The following RGS6 variants were observed in gnomAD, a reference collection of about 807,000 sequenced individuals.
RGS6 encodes the protein regulator of G protein signaling 6.
Under a neutral mutation model 78.5 loss-of-function variants are expected in RGS6, and 30 were observed. That is an observed-to-expected ratio of 0.38 (90% CI 0.29 to 0.52). The LOEUF (loss-of-function observed/expected upper bound fraction) is 0.52. RGS6 is among the 20% of genes least tolerant of loss of function. RGS6 has a pLI of 0.85. For synonymous variants in RGS6, 206 were observed against 206.0 expected, an observed-to-expected ratio of 1.00 and a Z score of 0.00; for missense variants, 495 against 609.7, an observed-to-expected ratio of 0.81 and a Z score of 1.98.
intron 3 of RGS6, among the ~76,000 whole-genome samples, chr14:72,368,810 T>C (rs944175304): frequency 6.6e-6 from 1 of 152,224 alleles, no homozygotes; most frequent in Non-Finnish European, 1.5e-5. Flanking sequence ...TGGATGCATG[T>C]AGAGGGCTGA....
At chr14:72,557,877 G>A (rs2097605040) in intron 17 of RGS6, among the ~76,000 whole-genome samples, 2 of 152,194 alleles carry the variant, frequency 1.3e-5, no homozygotes, top group African/African-American at 4.8e-5. Context: ...CTGTACTGGA[G>A]GGGGAAGCAT....
intron 17 of RGS6, among the ~76,000 whole-genome samples, chr14:72,548,342 T>TGTGTGTGTGTGCGTGC (rs796698263): frequency 1.5e-5 from 2 of 134,830 alleles, no homozygotes; most frequent in East Asian, 2.5e-4. Context: ...TGTGTGTGTG[T>TGTGTGTGTGTGCGTGC]GCGCGCGTGT....
chr14:72,195,098 C>T lies in RGS6; in HGVS notation c.85-156997C>T, dbSNP rs148794939. ...TGACACACACCTGTAATCACAGTTACTCAGGAGGCTAAGGCAGGAAAATCG... is the reference window on the plus strand; with the variant it reads ...TGACACACACCTGTAATCACAGTTATTCAGGAGGCTAAGGCAGGAAAATCG... On this transcript the variant is annotated intron_variant, in intron 2 of 17. Coordinates refer to ENST00000553525, the MANE Select transcript of RGS6 (RefSeq NM_001204424.2). Among the ~76,000 whole-genome samples the T allele has an allele frequency of 7.1e-3, 1,074 of 152,132 alleles. 8 individuals are homozygous for T. The highest frequency in any genetic ancestry group is 0.012 in the Non-Finnish European group (802 of 67,994).
chr14:71,988,180 A>G (rs2094803221), intron 2 of RGS6, among the ~76,000 whole-genome samples: 1 of 152,130 alleles, frequency 6.6e-6, no homozygotes, highest in Admixed American at 6.5e-5. Flanking sequence ...TCAAGGAAAC[A>G]GATGATAAAG....
chr14:72,327,772 G>A (rs1328435920), intron 2 of RGS6, among the ~76,000 whole-genome samples: 3 of 152,188 alleles, frequency 2.0e-5, no homozygotes, highest in Non-Finnish European at 2.9e-5. Context: ...CACTGGAGAT[G>A]TTTTATGACT....
intron 17 of RGS6, among the ~76,000 whole-genome samples, chr14:72,556,968 C>T (rs2097586798): frequency 6.6e-6 from 1 of 152,070 alleles, no homozygotes; most frequent in African/African-American, 2.4e-5. Flanking sequence ...CCCTTAAGCC[C>T]CTGCGAGAGT....
chr14:72,354,465 A>C (rs1330089283), intron 3 of RGS6, among the ~76,000 whole-genome samples: 3 of 117,900 alleles, frequency 2.5e-5, no homozygotes, highest in Non-Finnish European at 5.1e-5. Flanking sequence ...GTCTCTACTA[A>C]AAATACAAAA....
intron 2 of RGS6, among the ~76,000 whole-genome samples, chr14:72,091,138 C>CTCT (rs1401340631): frequency 1.3e-5 from 2 of 150,634 alleles, no homozygotes; most frequent in Admixed American, 1.3e-4. Flanking sequence ...CACTGGCTGT[C>CTCT]TCCACAGATC....
chr14:72,440,605 G>T (rs905077640), intron 3 of RGS6, among the ~76,000 whole-genome samples: 1 of 151,904 alleles, frequency 6.6e-6, no homozygotes, highest in Non-Finnish European at 1.5e-5. Flanking sequence ...TATAGACGGG[G>T]TTTCACCATG....
In RGS6 at chr14:72,005,467, A is replaced by AATCTATCTATCTATCTATCTATCTG. The variant is rs147417863; in HGVS notation, c.84+40592_84+40593insATCTATCTATCTATCTATCTATCTG. ...TATCTATCTATCTATCTATCTATCT[A>AATCTATCTATCTATCTATCTATCTG]TATCTCCCTATTCATTCAGCAACCT... On this transcript the variant is annotated intron_variant, in intron 2 of 17. Coordinates refer to ENST00000553525, the MANE Select transcript of RGS6 (RefSeq NM_001204424.2). Among the ~76,000 whole-genome samples the AATCTATCTATCTATCTATCTATCTG allele has an allele frequency of 1.2e-4, 18 of 151,292 alleles. No homozygotes were observed. The East Asian group carries it at 2.3e-3, about 20-fold the overall frequency.
At chr14:72,551,568 G>A (rs1032289652) in intron 17 of RGS6, among the ~76,000 whole-genome samples, 2 of 152,192 alleles carry the variant, frequency 1.3e-5, no homozygotes, top group African/African-American at 4.8e-5. Context: ...GACCCCTTGA[G>A]AACAACGGTC....
chr14:71,874,549 A>C, the RGS6 span, among the ~76,000 whole-genome samples: 11,517 of 152,208 alleles, frequency 0.076, 907 homozygotes, highest in East Asian at 0.21. Context: ...TGGGCTGAGA[A>C]AATGGGATTT....
At chr14:72,488,251 G>T (rs929904432) in intron 12 of RGS6, among the ~76,000 whole-genome samples, 1 of 152,198 alleles carries the variant, frequency 6.6e-6, no homozygotes, top group Admixed American at 6.5e-5. Context: ...AGGACTTTCT[G>T]TGTTCCTTCT....
chr14:72,479,143 G>T (rs2096310610), intron 12 of RGS6, among the ~76,000 whole-genome samples: 1 of 152,114 alleles, frequency 6.6e-6, no homozygotes, highest in African/African-American at 2.4e-5. Context: ...TCCTACAGGG[G>T]GCTGGCTGTG....
chr14:72,105,014 A>G (rs1249868604), intron 2 of RGS6, among the ~76,000 whole-genome samples: 2 of 152,244 alleles, frequency 1.3e-5, no homozygotes, highest in African/African-American at 4.8e-5. Flanking sequence ...CTTGGTCTCT[A>G]GTCTAGTCAC....
At chr14:72,026,685 C>G (rs569911979) in intron 2 of RGS6, among the ~76,000 whole-genome samples, 1 of 152,326 alleles carries the variant, frequency 6.6e-6, no homozygotes, top group South Asian at 2.1e-4. Context: ...TCAAAGCCCT[C>G]TAAGCCATCA....
chr14:72,057,377 A>G (rs976191070), intron 2 of RGS6, among the ~76,000 whole-genome samples: 2 of 149,272 alleles, frequency 1.3e-5, no homozygotes, highest in Admixed American at 6.8e-5. Context: ...ATGTCTACCT[A>G]TTATGATGTC....
At chr14:72,044,044 C>T (rs2092645357) in intron 2 of RGS6, among the ~76,000 whole-genome samples, 1 of 152,136 alleles carries the variant, frequency 6.6e-6, no homozygotes, top group South Asian at 2.1e-4. Context: ...GTCTATTGAG[C>T]TATCTTCAAG....
At chr14:72,612,469 T>C in the RGS6 span, 1 of 518,768 alleles carries the variant, frequency 1.9e-6, no homozygotes, top group Admixed American at 1.9e-5. Flanking sequence ...CTTCTTCAAC[T>C]ACATGTTGAA....
Sources: gnomAD v4.1 joint callset for allele counts (sites outside exome capture counted in the v4.1 genomes callset) on GRCh38, gnomAD v4.1.1 for gene constraint, MANE v1.5 for transcripts, NCBI Gene and HGNC (gene_info 2026-07-23, HGNC 2026-07-21) for gene names.